MYH8: variants seen among roughly 807,000 people sequenced by gnomAD.
MYH8 encodes myosin-8.
In MYH8, 168 loss-of-function variants were observed where a neutral mutation model predicts 233.2. The observed-to-expected ratio is 0.72, with a 90% CI of 0.64 to 0.82. MYH8 has a LOEUF of 0.82. Ranked by LOEUF, MYH8 falls within the 40% of genes least tolerant of loss-of-function variation. MYH8 has a pLI of 0.00. For synonymous variants in MYH8, 785 were observed against 850.6 expected, an observed-to-expected ratio of 0.92 and a Z score of 1.34; for missense variants, 1,995 against 2,327.8, an observed-to-expected ratio of 0.86 and a Z score of 2.94.
intron 5 of MYH8, among the ~76,000 whole-genome samples, chr17:10,418,208 C>A (rs895715797): frequency 1.3e-5 from 2 of 152,200 alleles, no homozygotes; most frequent in Admixed American, 1.3e-4. Flanking sequence ...CTGTGTCATT[C>A]AAAAATAAAC....
intron 21 of MYH8, among the ~76,000 whole-genome samples, chr17:10,404,987 G>A (rs763737296): frequency 2.6e-5 from 4 of 152,134 alleles, no homozygotes; most frequent in Non-Finnish European, 5.9e-5. Context: ...TGATTGTGCT[G>A]CCTGTCTGTG....
At position 10,418,963 on chromosome 17, in the gene MYH8, A is replaced by G. The variant is rs754946465; in HGVS notation, c.278T>C (p.Met93Thr). The part of the protein sequence containing the change: ...NPPKYDKIED[M>T]AMMTHLHEPG... Reference sequence around the variant, plus strand: ...CTCGTGTAGATGAGTCATCATGGCCATGTCCTCAATTTTGTCATATTTCGG... The same window carrying G: ...CTCGTGTAGATGAGTCATCATGGCCGTGTCCTCAATTTTGTCATATTTCGG... Residue 93 changes from methionine (M) to threonine (T), a missense_variant, in exon 4 of 40, where the codon ATG becomes ACG. Met to Thr is a moderately conservative substitution (Grantham distance 81). This residue lies in a region of MYH8 where 479 missense variants were observed against 600.9 expected (regional missense o/e 0.80). Coordinates refer to ENST00000403437, the MANE Select transcript of MYH8 (RefSeq NM_002472.3). 11 of 1,613,652 alleles carry G rather than the reference A, an allele frequency of 6.8e-6. No homozygotes were observed. In the Admixed American group the frequency reaches 1.2e-4, roughly 17 times the overall value.
chr17:10,414,506 G>T, intron 9 of MYH8, 22 bp from the exon 10 acceptor site: 1 of 1,511,262 alleles, frequency 6.6e-7, no homozygotes, highest in Non-Finnish European at 9.2e-7. Context: ...AATAGATATC[G>T]AGTTTGAAAA....
chr17:10,400,371 T>C lies in MYH8; in HGVS notation c.3735+19A>G, dbSNP rs1198105535. 2.5e-6 allele frequency: 4 copies of C among 1,610,316 alleles called. No individual in the cohort carries two copies. The African/African-American group carries it at 4.0e-5, about 16-fold the overall frequency. The stretch of plus-strand genomic sequence containing the variant: ...GTTCTTACAGATGATTACCTTCATT[T>C]AGAGACAGTATTGGGTACCTTGGCT... On this transcript the variant is annotated intron_variant, in intron 27 of 39. Transcript: ENST00000403437. The surrounding 1 kb of genome is among the most constrained non-coding windows in gnomAD (Gnocchi z 4.0).
Position 10,415,300 on chromosome 17 carries a change from A to G in MYH8, c.733T>C (p.Ser245Pro). Residue 245 changes from serine to proline, a missense_variant, in exon 8 of 40, where the codon TCT becomes CCT. Ser to Pro is a moderately conservative substitution (Grantham distance 74, BLOSUM62 -1). Around this residue, in one of 3 missense-constraint regions of MYH8, gnomAD observed 479 missense variants for 600.9 expected, o/e 0.80. Coordinates refer to ENST00000403437, the MANE Select transcript of MYH8 (RefSeq NM_002472.3). This position sits in a 1 kb window ranked among gnomAD's most constrained non-coding sequence, Gnocchi z 4.1. The part of the protein sequence containing the change: ...NAKTVRNDNS[S>P]RFGKFIRIHF... ...GAGACCAAGAGACTCACAAAGCGAGAGGAGTTGTCATTCCTCACAGTTTTG... is the reference window on the plus strand; with the variant it reads ...GAGACCAAGAGACTCACAAAGCGAGGGGAGTTGTCATTCCTCACAGTTTTG... 1 of 1,613,740 alleles carries G rather than the reference A, an allele frequency of 6.2e-7. No individual in the cohort carries two copies. Among genetic ancestry groups the G allele is most frequent in the Non-Finnish European group, 8.5e-7 (1 of 1,179,592 alleles).
chr17:10,397,522 A>G (rs911755546), intron 30 of MYH8, among the ~76,000 whole-genome samples: 2 of 152,200 alleles, frequency 1.3e-5, no homozygotes, highest in African/African-American at 4.8e-5. Flanking sequence ...AGTCCTGGGA[A>G]TATTATAGAA....
rs776006696 is a variant in MYH8, at chr17:10,399,544, C to G, written c.3861G>C (p.Ala1287=). The G allele has an allele frequency of 1.9e-6, 3 of 1,613,270 alleles. No homozygotes were observed. Among genetic ancestry groups the G allele is most frequent in the Admixed American group, 1.7e-5 (1 of 60,008 alleles). ...TAQRARLQTE[A]GEYSRQLDEK... is the part of the protein sequence containing the mutation. ...GGGACCCAGAGAAGATGTCTTTACC[C>G]GCTTCTGTCTGCAGGCGCGCTCTCT... Residue 1287 remains alanine (A), a splice_region_variant and synonymous_variant, in exon 28 of 40, where the codon GCG becomes GCC. Transcript: ENST00000403437.
At chr17:10,413,014 C>T (rs1299760153) in intron 12 of MYH8, among the ~76,000 whole-genome samples, 2 of 152,060 alleles carry the variant, frequency 1.3e-5, no homozygotes, top group Admixed American at 6.5e-5. Flanking sequence ...TAAGTAAAAG[C>T]CATAGTCCCT....
At chr17:10,408,641 T>G (rs1246810041) in intron 17 of MYH8, among the ~76,000 whole-genome samples, 1 of 152,232 alleles carries the variant, frequency 6.6e-6, no homozygotes, top group Non-Finnish European at 1.5e-5. Context: ...TGGCTTTAGA[T>G]GATTTTCAGC....
intron 5 of MYH8, among the ~76,000 whole-genome samples, chr17:10,418,220 T>A (rs1246224341): frequency 6.6e-6 from 1 of 152,228 alleles, no homozygotes; most frequent in Non-Finnish European, 1.5e-5. Context: ...AAAATAAACA[T>A]AAGAATTCAC....
At position 10,400,799 on chromosome 17, in the gene MYH8, A is replaced by G. The variant is rs763187877; in HGVS notation, c.3346-20T>C. 6.2e-6 allele frequency: 10 copies of G among 1,613,958 alleles called. No individual in the cohort carries two copies. The highest frequency in any genetic ancestry group is 4.5e-5 in the East Asian group (2 of 44,896). Reference sequence around the variant, plus strand: ...GCGGGCCTGGGAATGAAAGAAGCACATAAACATAAACTCATCTCAACTTCA... The same window carrying G: ...GCGGGCCTGGGAATGAAAGAAGCACGTAAACATAAACTCATCTCAACTTCA... On this transcript the variant is annotated intron_variant, in intron 26 of 39. Transcript: ENST00000403437. This position sits in a 1 kb window ranked among gnomAD's most constrained non-coding sequence, Gnocchi z 4.0.
At chr17:10,408,905 A>G (rs2072218929) in intron 17 of MYH8, among the ~76,000 whole-genome samples, 192 bp downstream of exon 17, 1 of 152,240 alleles carries the variant, frequency 6.6e-6, no homozygotes, top group Non-Finnish European at 1.5e-5. Flanking sequence ...TACATTAGAT[A>G]ATCGTAATAA....
At position 10,401,211 on chromosome 17, in the gene MYH8, G is replaced by A; in HGVS notation, c.3109-20C>T. 6.2e-7 allele frequency: 1 copy of A among 1,613,060 alleles called. No homozygotes were observed. The highest frequency in any genetic ancestry group is 8.5e-7 in the Non-Finnish European group (1 of 1,179,426). On this transcript the variant is annotated intron_variant, in intron 24 of 39. Coordinates refer to ENST00000403437, the MANE Select transcript of MYH8 (RefSeq NM_002472.3). ...TTCAAGCTAATAAGAAAGTAAATATGGTAAAAATTGAAAGTATATATTTTT... is the reference window on the plus strand; with the variant it reads ...TTCAAGCTAATAAGAAAGTAAATATAGTAAAAATTGAAAGTATATATTTTT...
In MYH8 at chr17:10,392,874, G is replaced by T. The variant is rs1300132926; in HGVS notation, c.5420C>A (p.Ala1807Glu). 1.2e-6 allele frequency: 2 copies of T among 1,613,968 alleles called. No individual in the cohort carries two copies. The highest frequency in any genetic ancestry group is 1.7e-6 in the Non-Finnish European group (2 of 1,180,022). Residue 1807 changes from alanine to glutamate, a missense_variant, in exon 37 of 40, where the codon GCG becomes GAG. Coordinates refer to ENST00000403437, the MANE Select transcript of MYH8 (RefSeq NM_002472.3). ...GATCTGCTTCTTCCCACCCTTCAGC[G>T]CCAGCTGCTCGGCCTCATCTAGACG... ...QHRLDEAEQL[A>E]LKGGKKQIQK...
Position 10,400,340 on chromosome 17 carries a change from A to G in MYH8, c.3735+50T>C. 6.2e-7 allele frequency: 1 copy of G among 1,601,932 alleles called. No homozygotes were observed. Among genetic ancestry groups the G allele is most frequent in the East Asian group, 2.2e-5 (1 of 44,876 alleles). ...AAACAATGTTTAGTGATAGAGAATA[A>G]TGGGTGTTCTTACAGATGATTACCT... On this transcript the variant is annotated intron_variant, in intron 27 of 39. Coordinates refer to ENST00000403437, the MANE Select transcript of MYH8 (RefSeq NM_002472.3). This position sits in a 1 kb window ranked among gnomAD's most constrained non-coding sequence, Gnocchi z 4.0.
chr17:10,395,323 CT>C lies in MYH8; in HGVS notation c.4771del (p.Arg1591GlufsTer25), dbSNP rs1371785761. ...TGTCTCCACGACTCTAGTGTGGTTT[CT>C]CTTCAGCTGGTCAATTTCCTCATCC... ...EKDEEIDQLK[R>X]NHTRVVETMQ... On this transcript the variant is annotated frameshift_variant, in exon 34 of 40. Coordinates refer to ENST00000403437, the MANE Select transcript of MYH8 (RefSeq NM_002472.3). LOFTEE classifies it high-confidence loss of function. 1 of 1,614,206 alleles carries C rather than the reference CT, an allele frequency of 6.2e-7. No individual in the cohort carries two copies. Among genetic ancestry groups the C allele is most frequent in the Non-Finnish European group, 8.5e-7 (1 of 1,180,036 alleles).
chr17:10,401,842 T>G (rs1005375213), intron 22 of MYH8, 57 bp from the exon 23 acceptor site: 56 of 1,605,890 alleles, frequency 3.5e-5, no homozygotes, highest in Admixed American at 1.3e-4. Context: ...AAACTTGGTG[T>G]TTTTTTTGCG....
At chr17:10,394,581 G>T in intron 34 of MYH8, 129 bp from the exon 35 acceptor site, 1 of 1,167,608 alleles carries the variant, frequency 8.6e-7, no homozygotes, top group Non-Finnish European at 1.2e-6. Context: ...GAATGCATCT[G>T]ATTATGGTTA....
At chr17:10,411,001 T>A in intron 14 of MYH8, 54 bp from the exon 15 acceptor site, 2 of 1,613,044 alleles carry the variant, frequency 1.2e-6, no homozygotes, top group Non-Finnish European at 1.7e-6. Flanking sequence ...AGTAGTAAAA[T>A]TCATTACTGA....
Sources: allele counts gnomAD v4.1 joint callset (sites outside exome capture counted in the v4.1 genomes callset), GRCh38; gene constraint gnomAD v4.1.1; regional missense constraint gnomAD v4.1.1; non-coding constraint Gnocchi (gnomAD v3.1); transcripts MANE v1.5; gene names NCBI Gene and HGNC (gene_info 2026-07-23, HGNC 2026-07-21).